Variants in CPNE8 observed in about 807,000 individuals in gnomAD.
The protein encoded by CPNE8 is copine 8.
CPNE8 carries 45 observed loss-of-function variants against 81.5 expected under a neutral mutation model. The ratio of observed to expected loss-of-function variants is 0.55; its 90% CI spans 0.44 to 0.71. The LOEUF is 0.71. Among genes scored for constraint, CPNE8 ranks in the 30% least tolerant of loss-of-function variants. The pLI is 0.00. For missense variants in CPNE8, 594 were observed against 672.1 expected (o/e 0.88, Z 1.28); for synonymous variants, 252 against 226.3 (o/e 1.11, Z -1.02).
At chr12:38,739,806 T>C (rs1941047522) in intron 10 of CPNE8, among the ~76,000 whole-genome samples, 1 of 152,170 alleles carries the variant, frequency 6.6e-6, no homozygotes, top group Non-Finnish European at 1.5e-5. Flanking sequence ...ATTTTGGAGA[T>C]TAAAATTTAC....
At chr12:38,857,498 T>C (rs910336493) in intron 3 of CPNE8, among the ~76,000 whole-genome samples, 2 of 152,212 alleles carry the variant, frequency 1.3e-5, no homozygotes, top group African/African-American at 4.8e-5. Context: ...GTCGATATTC[T>C]GGTTGTGATA....
intron 11 of CPNE8, among the ~76,000 whole-genome samples, chr12:38,725,288 C>T (rs531691064): frequency 1.3e-5 from 2 of 152,110 alleles, no homozygotes; most frequent in Non-Finnish European, 2.9e-5. Flanking sequence ...CATAGCAAAT[C>T]ATCCAATGTG....
chr12:38,887,301 C>G (rs1944250480), intron 1 of CPNE8, among the ~76,000 whole-genome samples: 1 of 152,086 alleles, frequency 6.6e-6, no homozygotes, highest in African/African-American at 2.4e-5. Context: ...GGTACTAGGC[C>G]TGAAAAGCAG....
intron 1 of CPNE8, among the ~76,000 whole-genome samples, chr12:38,880,485 C>T (rs1183038184): frequency 6.6e-6 from 1 of 152,106 alleles, no homozygotes; most frequent in Non-Finnish European, 1.5e-5. Flanking sequence ...CATTTGGGGC[C>T]TTTGCTCTAA....
chr12:38,905,366 C>T, intron 1 of CPNE8, 71 bp downstream of exon 1: 2 of 1,505,436 alleles, frequency 1.3e-6, no homozygotes, highest in Non-Finnish European at 1.8e-6. Flanking sequence ...CGTGGTACCC[C>T]GAGCGCTCTC....
At chr12:38,795,318 T>C (rs1942433941) in intron 6 of CPNE8, among the ~76,000 whole-genome samples, 1 of 152,184 alleles carries the variant, frequency 6.6e-6, no homozygotes, top group Admixed American at 6.6e-5. Context: ...TACAATGGAC[T>C]TCCCTTAAAA....
At chr12:38,737,672 A>G (rs893043669) in intron 10 of CPNE8, among the ~76,000 whole-genome samples, 1 of 152,092 alleles carries the variant, frequency 6.6e-6, no homozygotes, top group South Asian at 2.1e-4. Context: ...ACCACATGTC[A>G]TTGAAAGATA....
chr12:38,676,369 A>G, intron 17 of CPNE8: 5 of 905,644 alleles, frequency 5.5e-6, no homozygotes, highest in Non-Finnish European at 6.6e-6. Flanking sequence ...ATCTACTTCC[A>G]CTTTCTACTC....
intron 1 of CPNE8, among the ~76,000 whole-genome samples, chr12:38,890,996 G>A (rs897408747): frequency 6.6e-5 from 10 of 151,252 alleles, no homozygotes; most frequent in Non-Finnish European, 5.9e-5. Flanking sequence ...GCATAGTTTC[G>A]GCTCACTGCA....
intron 4 of CPNE8, among the ~76,000 whole-genome samples, chr12:38,842,872 C>T (rs1943496657): frequency 6.6e-6 from 1 of 152,146 alleles, no homozygotes; most frequent in South Asian, 2.1e-4. Context: ...AGCCACCGTG[C>T]CTAGCCTAAA....
upstream of CPNE8, chr12:38,905,777 T>G: frequency 7.2e-7 from 1 of 1,392,606 alleles, no homozygotes; most frequent in Non-Finnish European, 9.3e-7. Context: ...GGGATCCCGG[T>G]TTCCCAGCCC....
intron 18 of CPNE8, among the ~76,000 whole-genome samples, chr12:38,674,718 G>A (rs527964629): frequency 6.6e-6 from 1 of 152,236 alleles, no homozygotes; most frequent in Admixed American, 6.5e-5. Context: ...GGGATTCCAG[G>A]GTCAGCAATA....
At chr12:38,817,501 C>T (rs1475667287) in intron 6 of CPNE8, among the ~76,000 whole-genome samples, 1 of 151,790 alleles carries the variant, frequency 6.6e-6, no homozygotes, top group Non-Finnish European at 1.5e-5. Context: ...TGGGTGTTCC[C>T]TGGGAGCTCT....
intron 19 of CPNE8, among the ~76,000 whole-genome samples, chr12:38,661,652 C>T (rs1022926860): frequency 6.6e-6 from 1 of 151,906 alleles, no homozygotes; most frequent in Non-Finnish European, 1.5e-5. Flanking sequence ...CAAATGTATT[C>T]CACAAGGCCA....
chr12:38,733,705 A>G (rs1022552715), intron 10 of CPNE8, among the ~76,000 whole-genome samples: 13 of 152,038 alleles, frequency 8.6e-5, no homozygotes, highest in Admixed American at 5.9e-4. Flanking sequence ...TGTGTTATTT[A>G]AAGTCTGAGG....
intron 3 of CPNE8, among the ~76,000 whole-genome samples, chr12:38,859,930 A>G (rs1435652578): frequency 2.0e-5 from 3 of 152,188 alleles, no homozygotes; most frequent in Non-Finnish European, 4.4e-5. Context: ...GTAAAGACAT[A>G]CATGTAAGAT....
intron 1 of CPNE8, 21 bp downstream of exon 1, chr12:38,905,416 G>A (rs1329919603): frequency 6.4e-7 from 1 of 1,550,990 alleles, no homozygotes; most frequent in South Asian, 1.2e-5. Context: ...GCAGGAGAGA[G>A]GGGAAGGGCT....
rs573360987 is a variant in CPNE8 at position 38,748,018 on chromosome 12, A to T, written c.722+12829T>A. ...TACTATTGTAATTATTTATTTATTT[A>T]TTTTTTTTATTTGAGACAGTCTCAC... On this transcript the variant is annotated intron_variant, in intron 10 of 19. Transcript: ENST00000331366. Among the ~76,000 whole-genome samples the T allele has an allele frequency of 7.5e-4, 114 of 151,782 alleles. 1 individual carries two copies. Among genetic ancestry groups the T allele is most frequent in the South Asian group, 7.1e-3 (34 of 4,800 alleles).
intron 7 of CPNE8, among the ~76,000 whole-genome samples, chr12:38,772,878 A>C (rs1300480974): frequency 6.6e-6 from 1 of 152,088 alleles, no homozygotes; most frequent in African/African-American, 2.4e-5. Context: ...TGAAGTGTCC[A>C]TCAACAGATG....
Sources: allele counts gnomAD v4.1 joint callset (sites outside exome capture counted in the v4.1 genomes callset), GRCh38; gene constraint gnomAD v4.1.1; transcripts MANE v1.5; gene names NCBI Gene and HGNC (gene_info 2026-07-23, HGNC 2026-07-21).